The following PIP5K1B variants were observed in gnomAD, a reference collection of about 807,000 sequenced individuals.
PIP5K1B encodes phosphatidylinositol-4-phosphate 5-kinase type 1 beta.
Under a neutral mutation model 67.0 loss-of-function variants are expected in PIP5K1B, and 42 were observed. That is an observed-to-expected ratio of 0.63 (90% CI 0.49 to 0.81). The LOEUF is 0.81. Ranked by LOEUF, PIP5K1B falls within the 30% of genes least tolerant of loss-of-function variation. The pLI is 0.00. For synonymous variants in PIP5K1B, 214 were observed against 231.4 expected, an observed-to-expected ratio of 0.92 and a Z score of 0.68; for missense variants, 459 against 646.3, an observed-to-expected ratio of 0.71 and a Z score of 3.14.
intron 2 of PIP5K1B, chr9:68,781,332 CTA>C (rs1421779419): frequency 7.8e-6 from 2 of 255,222 alleles, no homozygotes; most frequent in African/African-American, 2.3e-5. Context: ...ACTGAGAGCT[CTA>C]TTTATTTATG....
intron 14 of PIP5K1B, among the ~76,000 whole-genome samples, chr9:68,962,860 A>G (rs1828824160): frequency 6.6e-6 from 1 of 152,208 alleles, no homozygotes; most frequent in South Asian, 2.1e-4. Flanking sequence ...AGGCAATTCT[A>G]AATTGTCTCC....
At chr9:68,800,546 G>A (rs1166498327) in intron 2 of PIP5K1B, among the ~76,000 whole-genome samples, 1 of 152,152 alleles carries the variant, frequency 6.6e-6, no homozygotes, top group Admixed American at 6.5e-5. Context: ...TCCATGGATA[G>A]CATCTATGTC....
At position 68,961,755 on chromosome 9, in the gene PIP5K1B, G is replaced by A. The variant is rs565138455; in HGVS notation, c.1502+20965G>A. 1.5e-3 allele frequency among the ~76,000 whole-genome samples: 234 copies of A among 152,248 alleles called. 4 individuals are homozygous for A. The highest frequency in any genetic ancestry group is 2.1e-3 in the Non-Finnish European group (144 of 68,016). On this transcript the variant is annotated intron_variant, in intron 14 of 15. Coordinates refer to ENST00000265382, the MANE Select transcript of PIP5K1B (RefSeq NM_003558.4). ...TACCCTCCTTATCTCCTTATTTTCA[G>A]TTGGTCCCTTATCCTTGTGCTGTGA...
At chr9:68,776,495 T>C (rs1587426116) in intron 2 of PIP5K1B, among the ~76,000 whole-genome samples, 2 of 111,342 alleles carry the variant, frequency 1.8e-5, no homozygotes, top group African/African-American at 7.0e-5. Flanking sequence ...TTTAATTTTA[T>C]AAGATGAGGT....
At chr9:68,893,342 T>TC (rs1194256987) in intron 7 of PIP5K1B, among the ~76,000 whole-genome samples, 65 of 143,152 alleles carry the variant, frequency 4.5e-4, no homozygotes, top group African/African-American at 1.5e-3. Flanking sequence ...TCTTTTTTTT[T>TC]TTTTTTTTTG....
At chr9:68,736,046 G>A (rs768067997) in intron 1 of PIP5K1B, among the ~76,000 whole-genome samples, 1 of 152,220 alleles carries the variant, frequency 6.6e-6, no homozygotes. Flanking sequence ...GGCAGGTGGT[G>A]TCTGGGATGG....
At chr9:68,881,851 T>A (rs1220814127) in intron 6 of PIP5K1B, among the ~76,000 whole-genome samples, 2 of 152,190 alleles carry the variant, frequency 1.3e-5, no homozygotes, top group African/African-American at 4.8e-5. Flanking sequence ...TCCTTCTCCA[T>A]CATGTGCCTG....
At chr9:68,745,740 T>C (rs1298420450) in intron 2 of PIP5K1B, among the ~76,000 whole-genome samples, 1 of 152,224 alleles carries the variant, frequency 6.6e-6, no homozygotes, top group Admixed American at 6.5e-5. Context: ...GATTCCTTAA[T>C]GTTCCTTCCT....
At chr9:68,930,474 C>G (rs571901666) in intron 12 of PIP5K1B, among the ~76,000 whole-genome samples, 1 of 152,272 alleles carries the variant, frequency 6.6e-6, no homozygotes, top group Non-Finnish European at 1.5e-5. Context: ...TGCTTACCAC[C>G]CACGTGCAGT....
In PIP5K1B at chr9:68,747,617, T is replaced by G. The variant is rs1467692678; in HGVS notation, c.-86+4960T>G. ...TTTTATTCTAGAAATTACTATAAAT[T>G]TTGGCATAATATAGCTTCTTTTTAC... On this transcript the variant is annotated intron_variant, in intron 2 of 15. Transcript: ENST00000265382. Among the ~76,000 whole-genome samples, 5 of 152,158 alleles carry G rather than the reference T, an allele frequency of 3.3e-5. No homozygotes were observed. In the East Asian group the frequency reaches 9.6e-4, roughly 29 times the overall value.
chr9:68,710,100 A>G (rs1291240664), intron 1 of PIP5K1B, among the ~76,000 whole-genome samples: 1 of 152,172 alleles, frequency 6.6e-6, no homozygotes, highest in African/African-American at 2.4e-5. Context: ...AATATCCTGG[A>G]AATTTTTTTT....
chr9:68,931,966 G>T (rs1422541230), intron 12 of PIP5K1B, among the ~76,000 whole-genome samples: 1 of 152,180 alleles, frequency 6.6e-6, no homozygotes, highest in Non-Finnish European at 1.5e-5. Context: ...TTCCTTTAAG[G>T]AAGAAACTCA....
intron 8 of PIP5K1B, among the ~76,000 whole-genome samples, chr9:68,916,242 T>C (rs533888694): frequency 6.6e-6 from 1 of 152,254 alleles, no homozygotes; most frequent in East Asian, 1.9e-4. Flanking sequence ...GGGAGAATCA[T>C]ATACAGACTA....
intron 1 of PIP5K1B, among the ~76,000 whole-genome samples, chr9:68,728,147 A>T (rs150646563): frequency 6.6e-6 from 1 of 152,312 alleles, no homozygotes; most frequent in African/African-American, 2.4e-5. Context: ...GCACATGAAT[A>T]TTGTCTTTGC....
chr9:68,981,383 C>G (rs1048073120), intron 14 of PIP5K1B, among the ~76,000 whole-genome samples: 1 of 151,352 alleles, frequency 6.6e-6, no homozygotes, highest in South Asian at 2.1e-4. Context: ...AATCTTTTAA[C>G]CCCTGATTCA....
chr9:68,735,686 G>A (rs898872205), intron 1 of PIP5K1B, among the ~76,000 whole-genome samples: 1 of 152,108 alleles, frequency 6.6e-6, no homozygotes, highest in Non-Finnish European at 1.5e-5. Context: ...CACTGTGCCC[G>A]GCCACAAATA....
At chr9:68,995,256 G>A (rs1393538169) in intron 15 of PIP5K1B, among the ~76,000 whole-genome samples, 1 of 125,762 alleles carries the variant, frequency 8.0e-6, no homozygotes, top group Non-Finnish European at 1.7e-5. Context: ...AAAGAGAAAA[G>A]GAAGGTTTCC....
chr9:68,898,832 A>C (rs1227146428), intron 8 of PIP5K1B, among the ~76,000 whole-genome samples: 2 of 152,132 alleles, frequency 1.3e-5, no homozygotes, highest in African/African-American at 4.8e-5. Context: ...GACCGTGGTT[A>C]TTCATCACCT....
chr9:68,919,828 A>C, intron 11 of PIP5K1B, 99 bp downstream of exon 11: 1 of 668,050 alleles, frequency 1.5e-6, no homozygotes, highest in South Asian at 2.0e-5. Flanking sequence ...TCTAAGAGGA[A>C]ATGAAACAAC....
Sources: allele counts gnomAD v4.1 joint callset (sites outside exome capture counted in the v4.1 genomes callset), GRCh38; gene constraint gnomAD v4.1.1; transcripts MANE v1.5; gene names NCBI Gene and HGNC (gene_info 2026-07-23, HGNC 2026-07-21).